SNTB1: variants seen among roughly 807,000 people sequenced by gnomAD.
The protein encoded by SNTB1 is beta-1-syntrophin.
SNTB1 carries 36 observed loss-of-function variants against 48.9 expected under a neutral mutation model. That is an observed-to-expected ratio of 0.74 (90% confidence interval 0.56 to 0.97). SNTB1 has a LOEUF of 0.97. Ranked by LOEUF, SNTB1 falls within the 50% of genes least tolerant of loss-of-function variation. The probability of loss-of-function intolerance (pLI) is 0.00; values close to 1 mark genes in which losing one functional copy is unlikely to be tolerated. For missense variants in SNTB1, 786 were observed against 703.4 expected (o/e 1.12, Z -1.33); for synonymous variants, 299 against 294.6 (o/e 1.01, Z -0.15).
intron 3 of SNTB1, among the ~76,000 whole-genome samples, chr8:120,584,565 CAG>C (rs1209258794): frequency 6.6e-6 from 1 of 150,850 alleles, no homozygotes; most frequent in Non-Finnish European, 1.5e-5. Flanking sequence ...ATCTACGTGA[CAG>C]GGAAAGAATT....
At chr8:120,615,268 A>G (rs1161746257) in intron 3 of SNTB1, among the ~76,000 whole-genome samples, 2 of 152,182 alleles carry the variant, frequency 1.3e-5, no homozygotes, top group Non-Finnish European at 2.9e-5. Flanking sequence ...CGGGGTTAAT[A>G]TGTACACCAT....
At chr8:120,775,197 A>T (rs1485249222) in intron 1 of SNTB1, 1 of 152,114 alleles carries the variant, frequency 6.6e-6, no homozygotes, top group Non-Finnish European at 1.5e-5. Context: ...GAGAAGGGAG[A>T]TGCTTGCTTT....
intron 1 of SNTB1, 146 bp downstream of exon 1, chr8:120,811,127 C>T: frequency 8.5e-7 from 1 of 1,175,148 alleles, no homozygotes. Context: ...CCCTGCGCCA[C>T]CCTTCCCCCC....
chr8:120,550,542 T>TAAAAAAAA (rs11445916), intron 4 of SNTB1, among the ~76,000 whole-genome samples: 1 of 126,674 alleles, frequency 7.9e-6, no homozygotes, highest in Non-Finnish European at 1.6e-5. Flanking sequence ...ACTCTGTCTT[T>TAAAAAAAA]AAAAAAAAAA....
At chr8:120,569,819 AT>A (rs1417751399) in intron 4 of SNTB1, among the ~76,000 whole-genome samples, 4 of 152,138 alleles carry the variant, frequency 2.6e-5, no homozygotes, top group African/African-American at 9.7e-5. Flanking sequence ...TGAATTGTTA[AT>A]TTCACTTAAA....
At chr8:120,778,680 A>G (rs1427851848) in intron 1 of SNTB1, among the ~76,000 whole-genome samples, 7 of 152,232 alleles carry the variant, frequency 4.6e-5, no homozygotes, top group African/African-American at 1.4e-4. Context: ...CTAGTAGCTG[A>G]GTCTTCATTG....
chr8:120,567,416 C>CTTTTT (rs10699484), intron 4 of SNTB1, among the ~76,000 whole-genome samples: 4 of 134,690 alleles, frequency 3.0e-5, no homozygotes, highest in African/African-American at 1.1e-4. Flanking sequence ...GGTTGAGCTC[C>CTTTTT]TTTTTTTTTT....
At position 120,537,415 on chromosome 8, in the gene SNTB1, CT is replaced by C. The variant is rs1815219254; in HGVS notation, c.*1461del. On this transcript the variant is annotated 3_prime_UTR_variant, in exon 7 of 7. Coordinates refer to ENST00000517992, the MANE Select transcript of SNTB1 (RefSeq NM_021021.4). ...TGGAACTAGCGTCATATGATATATT[CT>C]TTGGGGAAATGCTGATTTAAAATAA... 1 of 152,164 alleles carries C rather than the reference CT, an allele frequency of 6.6e-6. No homozygotes were observed. Among genetic ancestry groups the C allele is most frequent in the Non-Finnish European group, 1.5e-5 (1 of 68,016 alleles). 9.4% of individuals were successfully genotyped at this position (152,164 alleles called of 1,614,324 possible).
intron 2 of SNTB1, among the ~76,000 whole-genome samples, chr8:120,667,513 C>G (rs935222916): frequency 9.9e-5 from 15 of 152,154 alleles, no homozygotes; most frequent in African/African-American, 2.9e-4. Context: ...GTGCATCACA[C>G]CTGGTTAATT....
intron 1 of SNTB1, among the ~76,000 whole-genome samples, chr8:120,789,112 A>G (rs1425974668): frequency 6.6e-6 from 1 of 152,026 alleles, no homozygotes; most frequent in Admixed American, 6.6e-5. Context: ...ACAAATACAT[A>G]GTGATTAAAC....
At chr8:120,605,949 G>T (rs1025084411) in intron 3 of SNTB1, among the ~76,000 whole-genome samples, 1 of 152,062 alleles carries the variant, frequency 6.6e-6, no homozygotes, top group Admixed American at 6.6e-5. Flanking sequence ...CTGCCAAGGT[G>T]GGAGGCTTGG....
intron 4 of SNTB1, among the ~76,000 whole-genome samples, chr8:120,564,949 T>G (rs1393262899): frequency 7.9e-5 from 12 of 152,202 alleles, no homozygotes; most frequent in Admixed American, 6.5e-5. Flanking sequence ...GAGGCTTGCC[T>G]GGGCAAAACT....
At chr8:120,542,051 A>G in intron 5 of SNTB1, 51 bp from the exon 6 acceptor site, 1 of 1,478,952 alleles carries the variant, frequency 6.8e-7, no homozygotes, top group Non-Finnish European at 9.2e-7. Flanking sequence ...ATGGCAATCA[A>G]TCCATTTTCC....
chr8:120,651,680 A>G (rs1469898943), intron 2 of SNTB1, among the ~76,000 whole-genome samples: 3 of 152,210 alleles, frequency 2.0e-5, no homozygotes, highest in Admixed American at 2.0e-4. Context: ...CATAATGAAC[A>G]TATGGAAGGA....
At chr8:120,726,216 T>C (rs1818753707) in intron 1 of SNTB1, among the ~76,000 whole-genome samples, 1 of 152,224 alleles carries the variant, frequency 6.6e-6, no homozygotes, top group African/African-American at 2.4e-5. Flanking sequence ...TTTGTACACA[T>C]ACATTTCTGA....
At chr8:120,726,021 G>T (rs1339378160) in intron 1 of SNTB1, among the ~76,000 whole-genome samples, 1 of 152,046 alleles carries the variant, frequency 6.6e-6, no homozygotes, top group African/African-American at 2.4e-5. Context: ...GGTAAGCCTG[G>T]GTGTTCAGTG....
Position 120,811,891 on chromosome 8 carries a change from G to C in SNTB1, c.-48C>G, listed in dbSNP as rs955628785. ...CATGTGATTGGAAAAGGGGGGAAAA[G>C]TGGGGAAGGGTGGCCGGGGGGAGGA... On this transcript the variant is annotated 5_prime_UTR_variant, in exon 1 of 7. Transcript: ENST00000517992. The C allele has an allele frequency of 7.7e-7, 1 of 1,299,546 alleles. No individual in the cohort carries two copies. The highest frequency in any genetic ancestry group is 4.2e-5 in the Admixed American group (1 of 23,714). 80.5% of individuals were successfully genotyped at this position (1,299,546 alleles called of 1,614,324 possible). A position where few individuals can be genotyped will look rare whatever the true frequency, so the allele number is the denominator to read the frequency against.
intron 1 of SNTB1, among the ~76,000 whole-genome samples, chr8:120,719,899 C>A (rs1038265531): frequency 6.6e-6 from 1 of 152,236 alleles, no homozygotes; most frequent in Non-Finnish European, 1.5e-5. Flanking sequence ...ATTCCACTTA[C>A]ATGAATGGCG....
At chr8:120,596,280 T>C (rs565559903) in intron 3 of SNTB1, among the ~76,000 whole-genome samples, 1 of 152,322 alleles carries the variant, frequency 6.6e-6, no homozygotes, top group South Asian at 2.1e-4. Context: ...AAATCTATCA[T>C]GATATTTTCT....
Sources: allele counts gnomAD v4.1 joint callset (sites outside exome capture counted in the v4.1 genomes callset), GRCh38; gene constraint gnomAD v4.1.1; transcripts MANE v1.5; gene names NCBI Gene and HGNC (gene_info 2026-07-23, HGNC 2026-07-21).